Variants in TPRN observed in about 807,000 individuals in gnomAD.
The protein encoded by TPRN is taperin, also known as chromosome 9 open reading frame 75.
In TPRN, 32 loss-of-function variants were observed where a neutral mutation model predicts 42.6. That is an observed-to-expected ratio of 0.75 (90% CI 0.57 to 1.01). The LOEUF is 1.01. Among genes scored for constraint, TPRN ranks in the 50% least tolerant of loss-of-function variants. The pLI, the probability that TPRN is intolerant of heterozygous loss-of-function variation, is 0.00. For synonymous variants in TPRN, 541 were observed against 445.6 expected, an observed-to-expected ratio of 1.21 and a Z score of -2.70; for missense variants, 1,095 against 957.5, an observed-to-expected ratio of 1.14 and a Z score of -1.90.
In TPRN at chr9:137,198,963, A is replaced by G. The variant is rs780014488; in HGVS notation, c.1725+24T>C. ...AGCTGTCACTCTCTCCCTGCCAGCCAGTGGCCCTGCCCCCACCACTGACCT... is the reference window on the plus strand; with the variant it reads ...AGCTGTCACTCTCTCCCTGCCAGCCGGTGGCCCTGCCCCCACCACTGACCT... On this transcript the variant is annotated intron_variant, in intron 1 of 3. Transcript: ENST00000409012. 2.5e-6 allele frequency: 4 copies of G among 1,612,324 alleles called. No individual in the cohort carries two copies. In the South Asian group the frequency reaches 3.3e-5, roughly 13 times the overall value.
At chr9:137,195,963 G>A (rs535400422) in intron 1 of TPRN, among the ~76,000 whole-genome samples, 1 of 152,262 alleles carries the variant, frequency 6.6e-6, no homozygotes, top group African/African-American at 2.4e-5. Context: ...AACTTAAGTG[G>A]GCCTGTGCCT....
At position 137,200,634 on chromosome 9, in the gene TPRN, C is replaced by T. The variant is rs1318700095; in HGVS notation, c.78G>A (p.Lys26=). The T allele has an allele frequency of 1.0e-5, 12 of 1,199,210 alleles. No individual in the cohort carries two copies. The highest frequency in any genetic ancestry group is 1.2e-5 in the Non-Finnish European group (12 of 963,036). 74.3% of individuals were successfully genotyped at this position (1,199,210 alleles called of 1,614,324 possible). A position where few individuals can be genotyped will look rare whatever the true frequency, so the allele number is the denominator to read the frequency against. ...PAWKREILER[K]RAKLAALGGG... ...CGCCCAGCGCGGCTAGCTTGGCCCG[C>T]TTCCGCTCCAGGATCTCACGCTTCC... is the stretch of plus-strand genomic sequence containing the variant. The change falls in exon 1 of 4, where the codon AAG becomes AAA. Residue 26 remains lysine, a synonymous_variant. Coordinates refer to ENST00000409012, the MANE Select transcript of TPRN (RefSeq NM_001128228.3). The surrounding 1 kb of genome is among the most constrained non-coding windows in gnomAD (Gnocchi z 4.3).
Position 137,199,209 on chromosome 9 carries a change from G to A in TPRN, c.1503C>T (p.Phe501=), listed in dbSNP as rs371924473. The part of the protein sequence containing the change: ...AELQPRGSNT[F]TVVPKRKPGT... ...CTGGCTTCCTCTTGGGCACCACTGT[G>A]AAGGTGTTGCTGCCCCGGGGCTGAA... The change falls in exon 1 of 4, where the codon TTC becomes TTT. Residue 501 remains phenylalanine, a synonymous_variant. Coordinates refer to ENST00000409012, the MANE Select transcript of TPRN (RefSeq NM_001128228.3). The A allele has an allele frequency of 3.1e-6, 5 of 1,613,034 alleles. No individual in the cohort carries two copies. The highest frequency in any genetic ancestry group is 2.7e-5 in the African/African-American group (2 of 74,936).
chr9:137,196,281 G>A (rs1437966768), intron 1 of TPRN, among the ~76,000 whole-genome samples: 1 of 152,200 alleles, frequency 6.6e-6, no homozygotes. Flanking sequence ...GGGGGTCACA[G>A]CCAGTGGTCC....
In TPRN at chr9:137,192,188, G is replaced by A. The variant is rs774629930; in HGVS notation, c.2074-14C>T. The A allele has an allele frequency of 5.6e-6, 9 of 1,613,498 alleles. No homozygotes were observed. The highest frequency in any genetic ancestry group is 1.1e-5 in the South Asian group (1 of 91,086). On this transcript the variant is annotated splice_polypyrimidine_tract_variant and intron_variant, in intron 3 of 3. Transcript: ENST00000409012. ...GGCGGGTGTGAGCTGAAAGTGAGAG[G>A]ACAGAATGTGGACACATGGGCTCGC...
At chr9:137,196,139 G>A (rs763839775) in intron 1 of TPRN, among the ~76,000 whole-genome samples, 2 of 152,288 alleles carry the variant, frequency 1.3e-5, no homozygotes, top group South Asian at 4.1e-4. Flanking sequence ...CCACTGAAGA[G>A]CTGCCCTTCA....
chr9:137,196,004 CCAG>C (rs750299292), intron 1 of TPRN, among the ~76,000 whole-genome samples: 14 of 152,298 alleles, frequency 9.2e-5, no homozygotes, highest in Non-Finnish European at 1.5e-4. Flanking sequence ...GGCACACAGG[CCAG>C]CAGCTCCCCA....
At position 137,199,081 on chromosome 9, in the gene TPRN, T is replaced by C. The variant is rs1834750408; in HGVS notation, c.1631A>G (p.Lys544Arg). 1.2e-6 allele frequency: 2 copies of C among 1,613,268 alleles called. No individual in the cohort carries two copies. Among genetic ancestry groups the C allele is most frequent in the Non-Finnish European group, 1.7e-6 (2 of 1,179,982 alleles). Residue 544 changes from lysine to arginine, a missense_variant, in exon 1 of 4, where the codon AAG becomes AGG. By Grantham distance (26) the Lys-to-Arg change is conservative (BLOSUM62 2). Coordinates refer to ENST00000409012, the MANE Select transcript of TPRN (RefSeq NM_001128228.3). Reference sequence around the variant, plus strand: ...GATCTCATGCACGGTGGGGTAGCGCTTCTTCAACGTGGGCCCCAGGAGGCA... The same window carrying C: ...GATCTCATGCACGGTGGGGTAGCGCCTCTTCAACGTGGGCCCCAGGAGGCA... The part of the protein sequence containing the change: ...ASCLLGPTLK[K>R]RYPTVHEIEV...
In TPRN at chr9:137,192,592, CCTCCTCCTG is replaced by C; in HGVS notation, c.1816_1824del (p.Gln606_Glu608del). On this transcript the variant is annotated inframe_deletion, in exon 2 of 4. Transcript: ENST00000409012. ...TCCTCTTCCTCCTCCTCCTCCTCCT[CCTCCTCCTG>C]CTGGTCCACCTCTTCCTCCTGCTCT... The C allele has an allele frequency of 6.2e-7, 1 of 1,612,378 alleles. No individual in the cohort carries two copies. Among genetic ancestry groups the C allele is most frequent in the South Asian group, 1.1e-5 (1 of 91,034 alleles).
At chr9:137,195,687 G>A (rs986203863) in intron 1 of TPRN, among the ~76,000 whole-genome samples, 2 of 152,184 alleles carry the variant, frequency 1.3e-5, no homozygotes, top group African/African-American at 4.8e-5. Flanking sequence ...ACACTGACAC[G>A]CTCCAGCTGG....
chr9:137,191,970 C>A lies in TPRN; in HGVS notation c.*142G>T. ...CCTGGCCCCGATGGCAGGAGGCACC[C>A]TAGCTGCTTCCAGGGCCAGGAGGGG... On this transcript the variant is annotated 3_prime_UTR_variant, in exon 4 of 4. Coordinates refer to ENST00000409012, the MANE Select transcript of TPRN (RefSeq NM_001128228.3). 9.4e-7 allele frequency: 1 copy of A among 1,067,780 alleles called. No individual in the cohort carries two copies. Among genetic ancestry groups the A allele is most frequent in the African/African-American group, 1.6e-5 (1 of 64,158 alleles). The allele number at this position is 1,067,780 out of a possible 1,614,324, so 66.1% of individuals were successfully genotyped here.
In TPRN at chr9:137,199,550, C is replaced by A. The variant is rs1834763605; in HGVS notation, c.1162G>T (p.Val388Phe). The change falls in exon 1 of 4, where the codon GTC (valine) becomes TTC (phenylalanine). Residue 388 changes from valine (V) to phenylalanine (F), a missense_variant. Transcript: ENST00000409012. The part of the protein sequence containing the change: ...APALGKSPLE[V>F]EAQWAVEEGA... ...TCCTCGACTGCCCACTGTGCCTCGA[C>A]CTCCAGGGGGCTCTTCCCGAGGGCA... 2 of 1,561,820 alleles carry A rather than the reference C, an allele frequency of 1.3e-6. No individual in the cohort carries two copies. The highest frequency in any genetic ancestry group is 2.3e-5 in the South Asian group (2 of 85,680).
chr9:137,200,019 C>T lies in TPRN; in HGVS notation c.693G>A (p.Arg231=). Residue 231 remains arginine, a synonymous_variant, in exon 1 of 4, where the codon CGG becomes CGA. Coordinates refer to ENST00000409012, the MANE Select transcript of TPRN (RefSeq NM_001128228.3). This position sits in a 1 kb window ranked among gnomAD's most constrained non-coding sequence, Gnocchi z 4.3. ...CCGCGAGGCGGTTGGCAGGGCCGGC[C>T]CGGGGCTCAGGGGCCGAGTGCCCGT... The part of the protein sequence containing the change: ...LSNGHSAPEP[R]AGPANRLAGS... 1 of 1,443,386 alleles carries T rather than the reference C, an allele frequency of 6.9e-7. No homozygotes were observed. The highest frequency in any genetic ancestry group is 9.1e-7 in the Non-Finnish European group (1 of 1,104,546). The allele number at this position is 1,443,386 out of a possible 1,614,324, so 89.4% of individuals were successfully genotyped here.
Position 137,192,276 on chromosome 9 carries a change from G to A in TPRN, c.2056C>T (p.Pro686Ser). The A allele has an allele frequency of 4.3e-6, 7 of 1,613,048 alleles. No homozygotes were observed. Among genetic ancestry groups the A allele is most frequent in the Non-Finnish European group, 5.9e-6 (7 of 1,180,018 alleles). ...LEQAPREAEP[P>S]PVEAMLTPAS... ...CATCTCACCATGGCCTCCACGGGCGGGGGCTCTGCCTCCCTCGGGGCCTGC... is the reference window on the plus strand; with the variant it reads ...CATCTCACCATGGCCTCCACGGGCGAGGGCTCTGCCTCCCTCGGGGCCTGC... Residue 686 changes from proline to serine, a missense_variant, in exon 3 of 4, where the codon CCG becomes TCG. Transcript: ENST00000409012.
intron 1 of TPRN, among the ~76,000 whole-genome samples, 166 bp downstream of exon 1, chr9:137,198,821 C>A (rs1270174191): frequency 1.3e-5 from 2 of 152,242 alleles, no homozygotes; most frequent in Non-Finnish European, 2.9e-5. Context: ...TCCACTGGGG[C>A]CCTGGACCCA....
In TPRN at chr9:137,200,510, G is replaced by C. The variant is rs1218805111; in HGVS notation, c.202C>G (p.Arg68Gly). 2.6e-6 allele frequency: 3 copies of C among 1,158,058 alleles called. No individual in the cohort carries two copies. The highest frequency in any genetic ancestry group is 2.7e-5 in the South Asian group (1 of 37,282). The allele number at this position is 1,158,058 out of a possible 1,614,324, so 71.7% of individuals were successfully genotyped here. A position where few individuals can be genotyped will look rare whatever the true frequency, so the allele number is the denominator to read the frequency against. ...ENPFMLLEAERRRGGGAAGAR... is the reference protein window; with the variant it reads ...ENPFMLLEAEGRRGGGAAGAR... Reference sequence around the variant, plus strand: ...CCCGCCGCGCCCCCGCCGCGCCGCCGCTCGGCCTCCAGCAGCATGAACGGG... The same window carrying C: ...CCCGCCGCGCCCCCGCCGCGCCGCCCCTCGGCCTCCAGCAGCATGAACGGG... The change falls in exon 1 of 4, where the codon CGG becomes GGG. Residue 68 changes from arginine to glycine, a missense_variant. By Grantham distance (125) the Arg-to-Gly change is moderately radical. Transcript: ENST00000409012. This position sits in a 1 kb window ranked among gnomAD's most constrained non-coding sequence, Gnocchi z 4.3.
At chr9:137,193,981 A>G (rs1259476885) in intron 1 of TPRN, 1 of 152,332 alleles carries the variant, frequency 6.6e-6, no homozygotes, top group Admixed American at 6.6e-5. Flanking sequence ...CTCACCACGA[A>G]TACCCCCGCC....
chr9:137,197,734 C>T (rs1441490508), intron 1 of TPRN, among the ~76,000 whole-genome samples: 3 of 152,134 alleles, frequency 2.0e-5, no homozygotes, highest in Non-Finnish European at 4.4e-5. Flanking sequence ...CTGTGGCTAT[C>T]AGACTGACCC....
rs780953179 is a variant in TPRN, at chr9:137,199,618, T to C, written c.1094A>G (p.Gln365Arg). The C allele has an allele frequency of 2.3e-4, 356 of 1,560,186 alleles. No homozygotes were observed. The highest frequency in any genetic ancestry group is 1.7e-4 in the Middle Eastern group (1 of 6,018). The change falls in exon 1 of 4, where the codon CAG (glutamine) becomes CGG (arginine). Residue 365 changes from glutamine (Q) to arginine (R), a missense_variant. Physicochemically the swap from Gln to Arg is conservative, Grantham distance 43. Coordinates refer to ENST00000409012, the MANE Select transcript of TPRN (RefSeq NM_001128228.3). ...KGDLGPASPS[Q>R]ELGSQPVPGG... ...AGGCACCGGCTGGGATCCGAGCTCC[T>C]GGCTCGGGGAGGCCGGGCCCAGGTC...
Sources: allele counts gnomAD v4.1 joint callset (sites outside exome capture counted in the v4.1 genomes callset), GRCh38; gene constraint gnomAD v4.1.1; non-coding constraint Gnocchi (gnomAD v3.1); transcripts MANE v1.5; gene names NCBI Gene and HGNC (gene_info 2026-07-23, HGNC 2026-07-21).